Variants in CELF2 observed in about 807,000 individuals in gnomAD.
The protein encoded by CELF2 is CUG triplet repeat RNA-binding protein 2.
A neutral mutation model predicts 62.6 loss-of-function variants in CELF2; 8 were observed. The observed-to-expected ratio is 0.13, with a 90% confidence interval of 0.07 to 0.23. The LOEUF is 0.23. CELF2 is among the 10% of genes least tolerant of loss of function. The pLI is 1.00. For missense variants in CELF2, 333 were observed against 671.0 expected (o/e 0.50, Z 5.56); for synonymous variants, 258 against 250.0 (o/e 1.03, Z -0.30).
In CELF2 at chr10:11,319,125, A is replaced by G; in HGVS notation, c.1097-2064A>G. Reference sequence around the variant, plus strand: ...GGCGAGTCGCCGCTCCTCTCCCGCCAGAATTTCCTCCACACGGGCATCTGC... The same window carrying G: ...GGCGAGTCGCCGCTCCTCTCCCGCCGGAATTTCCTCCACACGGGCATCTGC... On this transcript the variant is annotated intron_variant, in intron 10 of 12. Coordinates refer to ENST00000633077, the MANE Select transcript of CELF2 (RefSeq NM_001326342.2). This position sits in a 1 kb window ranked among gnomAD's most constrained non-coding sequence, Gnocchi z 4.4. 2.1e-6 allele frequency: 1 copy of G among 470,510 alleles called. No individual in the cohort carries two copies. Among genetic ancestry groups the G allele is most frequent in the South Asian group, 1.5e-5 (1 of 64,518 alleles). The allele number at this position is 470,510 out of a possible 1,614,324, so 29.1% of individuals were successfully genotyped here.
Position 10,832,627 on chromosome 10 carries a change from T to G in CELF2, c.53+33810T>G, listed in dbSNP as rs534235459. On this transcript the variant is annotated intron_variant, in intron 1 of 13. Transcript: ENST00000636488. Reference sequence around the variant, plus strand: ...GTGAGTCGGTTCAATAAAACATTGATGATCAAATCAATTGACTAAATAGTC... The same window carrying G: ...GTGAGTCGGTTCAATAAAACATTGAGGATCAAATCAATTGACTAAATAGTC... Among the ~76,000 whole-genome samples, 213 of 152,316 alleles carry G rather than the reference T, an allele frequency of 1.4e-3. No homozygotes were observed. In the South Asian group the frequency reaches 0.017, roughly 12 times the overall value.
At chr10:10,482,789 C>T in the CELF2 span, among the ~76,000 whole-genome samples, 1 of 152,150 alleles carries the variant, frequency 6.6e-6, no homozygotes, top group Non-Finnish European at 1.5e-5. Flanking sequence ...CCAGCCACCC[C>T]CTTCATCTAA....
At chr10:11,073,008 ACT>A (rs777256516) in intron 1 of CELF2, among the ~76,000 whole-genome samples, 12 of 151,850 alleles carry the variant, frequency 7.9e-5, no homozygotes, top group Non-Finnish European at 1.6e-4. Flanking sequence ...CACAAATCAC[ACT>A]CTTATTGTAC....
At chr10:11,055,438 G>A (rs1235243761) in intron 1 of CELF2, among the ~76,000 whole-genome samples, 15 of 152,240 alleles carry the variant, frequency 9.9e-5, no homozygotes, top group Admixed American at 9.2e-4. Context: ...GGCTGACCGA[G>A]TATCATTTTC....
rs2065775388 is a variant in CELF2 at position 11,224,220 on chromosome 10, G to A, written c.354+6713G>A. Among the ~76,000 whole-genome samples, 1 of 152,164 alleles carries A rather than the reference G, an allele frequency of 6.6e-6. No homozygotes were observed. Among genetic ancestry groups the A allele is most frequent in the Admixed American group, 6.5e-5 (1 of 15,280 alleles). ...TAGTTTTGCAAACAACGTAGTCTCA[G>A]CTATATCCCTAATTAATAGGACTGT... is the stretch of plus-strand genomic sequence containing the variant. On this transcript the variant is annotated intron_variant, in intron 3 of 12. Coordinates refer to ENST00000633077, the MANE Select transcript of CELF2 (RefSeq NM_001326342.2). This position sits in a 1 kb window ranked among gnomAD's most constrained non-coding sequence, Gnocchi z 4.5.
At chr10:10,674,748 A>C in the CELF2 span, among the ~76,000 whole-genome samples, 2 of 152,196 alleles carry the variant, frequency 1.3e-5, no homozygotes, top group South Asian at 4.1e-4. Context: ...AAGAATAACA[A>C]ATTCAAGCCC....
upstream of CELF2, among the ~76,000 whole-genome samples, chr10:10,798,001 G>A (rs1185555573): frequency 6.6e-6 from 1 of 151,894 alleles, no homozygotes; most frequent in African/African-American, 2.4e-5. Context: ...GGCGAGTAGG[G>A]GGTAGCCTAT....
At position 11,282,078 on chromosome 10, in the gene CELF2, C is replaced by T. The variant is rs571554327; in HGVS notation, c.842-6340C>T. Among the ~76,000 whole-genome samples, 7 of 152,292 alleles carry T rather than the reference C, an allele frequency of 4.6e-5. No individual in the cohort carries two copies. In the South Asian group the frequency reaches 1.0e-3, roughly 23 times the overall value. Reference sequence around the variant, plus strand: ...GGGACCTGGGGGGTAGAGTTAACTTCTGGGCCCCTGTCACATTGCCTTTCG... The same window carrying T: ...GGGACCTGGGGGGTAGAGTTAACTTTTGGGCCCCTGTCACATTGCCTTTCG... On this transcript the variant is annotated intron_variant, in intron 8 of 12. Coordinates refer to ENST00000633077, the MANE Select transcript of CELF2 (RefSeq NM_001326342.2).
At chr10:10,642,624 T>C in the CELF2 span, among the ~76,000 whole-genome samples, 1 of 152,202 alleles carries the variant, frequency 6.6e-6, no homozygotes, top group Non-Finnish European at 1.5e-5. Context: ...TCTCTGCAAA[T>C]GTTACAGGGC....
intron 5 of CELF2, among the ~76,000 whole-genome samples, chr10:11,265,812 T>G (rs2082058033): frequency 6.6e-6 from 1 of 152,228 alleles, no homozygotes; most frequent in South Asian, 2.1e-4. Context: ...GAAGTGTACA[T>G]TGTCTTGTGT....
the CELF2 span, among the ~76,000 whole-genome samples, chr10:10,543,227 G>GC: frequency 6.6e-6 from 1 of 152,134 alleles, no homozygotes; most frequent in Non-Finnish European, 1.5e-5. Context: ...TCCTCATCAT[G>GC]CCCCCAGAGT....
chr10:10,871,938 T>C (rs2060777726), intron 1 of CELF2, among the ~76,000 whole-genome samples: 1 of 152,220 alleles, frequency 6.6e-6, no homozygotes, highest in Non-Finnish European at 1.5e-5. Context: ...AGTACATTGA[T>C]TTTCACATAT....
intron 1 of CELF2, among the ~76,000 whole-genome samples, chr10:11,070,372 G>A (rs1326821450): frequency 1.3e-5 from 2 of 152,136 alleles, no homozygotes; most frequent in Non-Finnish European, 2.9e-5. Flanking sequence ...CTGTAGACAT[G>A]AGGAGGATTT....
chr10:10,773,512 A>G, the CELF2 span, among the ~76,000 whole-genome samples: 1 of 152,214 alleles, frequency 6.6e-6, no homozygotes, highest in Non-Finnish European at 1.5e-5. Context: ...AGCATGTTGT[A>G]TGGGTAAAAA....
At position 10,818,610 on chromosome 10, in the gene CELF2, G is replaced by A. The variant is rs190301896; in HGVS notation, c.53+19793G>A. 3.0e-3 allele frequency among the ~76,000 whole-genome samples: 440 copies of A among 145,246 alleles called. 2 individuals are homozygous for A. Among genetic ancestry groups the A allele is most frequent in the African/African-American group, 0.011 (421 of 38,902 alleles). ...TGTCTGTCGCCCAGGCTGGAGTGCA[G>A]TGGCGCGATCTCAACTCACTGCAGC... On this transcript the variant is annotated intron_variant, in intron 1 of 13. Transcript: ENST00000636488.
chr10:10,598,551 C>T, the CELF2 span, among the ~76,000 whole-genome samples: 6 of 152,158 alleles, frequency 3.9e-5, no homozygotes, highest in East Asian at 5.8e-4. Context: ...CACCTGGCTG[C>T]GGTTACAGAG....
chr10:11,151,551 G>A (rs905270982), intron 1 of CELF2, among the ~76,000 whole-genome samples: 7 of 152,258 alleles, frequency 4.6e-5, no homozygotes, highest in African/African-American at 1.7e-4. Flanking sequence ...TATTCCTGGA[G>A]ATGTATCAGT....
rs141499696 is a variant in CELF2 at position 11,306,529 on chromosome 10, T to C, written c.977-7610T>C. Among the ~76,000 whole-genome samples the C allele has an allele frequency of 2.1e-4, 32 of 152,236 alleles. No individual in the cohort carries two copies. The highest frequency in any genetic ancestry group is 7.7e-4 in the African/African-American group (32 of 41,552). Reference sequence around the variant, plus strand: ...TGATCAAGGTTGGCTGTGTGACAAATTGGAGTTTTTCTTATGCTTTAAATT... The same window carrying C: ...TGATCAAGGTTGGCTGTGTGACAAACTGGAGTTTTTCTTATGCTTTAAATT... On this transcript the variant is annotated intron_variant, in intron 9 of 12. Coordinates refer to ENST00000633077, the MANE Select transcript of CELF2 (RefSeq NM_001326342.2). The surrounding 1 kb of genome is among the most constrained non-coding windows in gnomAD (Gnocchi z 4.4).
chr10:10,532,564 C>A, the CELF2 span, among the ~76,000 whole-genome samples: 1 of 152,184 alleles, frequency 6.6e-6, no homozygotes, highest in Non-Finnish European at 1.5e-5. Context: ...TATAATCTTA[C>A]ATTGAGAGCA....
Sources: gnomAD v4.1 joint callset for allele counts (sites outside exome capture counted in the v4.1 genomes callset) on GRCh38, gnomAD v4.1.1 for gene constraint, Gnocchi (gnomAD v3.1) non-coding constraint, MANE v1.5 for transcripts, NCBI Gene and HGNC (gene_info 2026-07-23, HGNC 2026-07-21) for gene names.